Variants in MYH6 observed in about 807,000 individuals in gnomAD.
MYH6 encodes the protein myosin-6.
In MYH6, 126 loss-of-function variants were observed where a neutral mutation model predicts 223.2. The observed-to-expected ratio is 0.56, with a 90% confidence interval of 0.49 to 0.65. MYH6 has a LOEUF of 0.65. Among genes scored for constraint, MYH6 ranks in the 30% least tolerant of loss-of-function variants. The probability of loss-of-function intolerance (pLI) is 0.00; values close to 1 mark genes in which losing one functional copy is unlikely to be tolerated. For missense variants in MYH6, 2,040 were observed against 2,536.4 expected, an observed-to-expected ratio of 0.80 and a Z score of 4.20; for synonymous variants, 978 against 1,010.2, an observed-to-expected ratio of 0.97 and a Z score of 0.61.
intron 25 of MYH6, among the ~76,000 whole-genome samples, chr14:23,392,260 AGAG>A (rs576496787): frequency 1.2e-4 from 18 of 151,838 alleles, no homozygotes; most frequent in African/African-American, 4.3e-4. Flanking sequence ...AGGAAGGGTT[AGAG>A]GAGAATAGAG....
rs377488406 is a variant in MYH6, at chr14:23,388,582, G to C, written c.4176-244C>G. On this transcript the variant is annotated intron_variant, in intron 29 of 38. Coordinates refer to ENST00000405093, the MANE Select transcript of MYH6 (RefSeq NM_002471.4). Reference sequence around the variant, plus strand: ...CCCTCACCCCCCACACAGGCTGATCGACGGTAGCTCCTCTGACCAACAAGC... The same window carrying C: ...CCCTCACCCCCCACACAGGCTGATCCACGGTAGCTCCTCTGACCAACAAGC... The C allele has an allele frequency of 1.2e-5, 10 of 852,800 alleles. No individual in the cohort carries two copies. The East Asian group carries it at 2.4e-4, about 21-fold the overall frequency. The allele number at this position is 852,800 out of a possible 1,614,324, so 52.8% of individuals were successfully genotyped here. A position where few individuals can be genotyped will look rare whatever the true frequency, so the allele number is the denominator to read the frequency against.
intron 20 of MYH6, 126 bp from the exon 21 acceptor site, chr14:23,394,449 A>G (rs1566510524): frequency 8.1e-7 from 1 of 1,228,356 alleles, no homozygotes; most frequent in Non-Finnish European, 1.1e-6. Flanking sequence ...CAACATCACT[A>G]CACTGAACAT....
intron 7 of MYH6, 71 bp from the exon 8 acceptor site, chr14:23,404,459 G>GCCTCC: frequency 6.4e-7 from 1 of 1,551,522 alleles, no homozygotes; most frequent in Non-Finnish European, 8.9e-7. Context: ...GGGCAGGGAG[G>GCCTCC]CTGCCCTGGC....
intron 29 of MYH6, 121 bp downstream of exon 29, chr14:23,388,738 G>T: frequency 7.0e-7 from 1 of 1,423,096 alleles, no homozygotes; most frequent in Non-Finnish European, 9.9e-7. Flanking sequence ...CACTTCTGTT[G>T]CCCTCCGAGT....
chr14:23,389,119 C>T (rs1891144366), intron 28 of MYH6, 64 bp from the exon 29 acceptor site: 3 of 1,515,374 alleles, frequency 2.0e-6, no homozygotes, highest in South Asian at 1.3e-5. Flanking sequence ...TCTAGATTCT[C>T]TTCTTATGTA....
intron 28 of MYH6, 56 bp from the exon 29 acceptor site, chr14:23,389,111 T>C: frequency 6.5e-7 from 1 of 1,531,108 alleles, no homozygotes; most frequent in Non-Finnish European, 8.8e-7. Flanking sequence ...CCCCATTCTC[T>C]AGATTCTCTT....
intron 36 of MYH6, 39 bp downstream of exon 36, chr14:23,384,403 A>T (rs1214440683): frequency 6.2e-7 from 1 of 1,605,040 alleles, no homozygotes; most frequent in Non-Finnish European, 8.5e-7. Flanking sequence ...CAGAGAAGAA[A>T]CTTCCACATC....
In MYH6 at chr14:23,405,363, A is replaced by G; in HGVS notation, c.362T>C (p.Phe121Ser). ...AWMIYTYSGL[F>S]CVTVNPYKWL... is the part of the protein sequence containing the mutation. ...CTTGTAGGGGTTGACAGTGACACAG[A>G]AGAGGCCCGAGTAGGTCTGGAGCAG... Residue 121 changes from phenylalanine (F) to serine (S), a missense_variant, in exon 5 of 39, where the codon TTC becomes TCC. Transcript: ENST00000405093. This position sits in a 1 kb window ranked among gnomAD's most constrained non-coding sequence, Gnocchi z 4.7. 6.2e-7 allele frequency: 1 copy of G among 1,614,130 alleles called. No individual in the cohort carries two copies. Among genetic ancestry groups the G allele is most frequent in the Non-Finnish European group, 8.5e-7 (1 of 1,179,980 alleles).
At position 23,403,792 on chromosome 14, in the gene MYH6, G is replaced by A; in HGVS notation, c.736-14C>T. On this transcript the variant is annotated splice_polypyrimidine_tract_variant and intron_variant, in intron 8 of 38. Coordinates refer to ENST00000405093, the MANE Select transcript of MYH6 (RefSeq NM_002471.4). ...AATGAATTTCCCCTGGGGACGAATG[G>A]GACAGAGTGAGGGAACTGGCGGGAA... 1.2e-6 allele frequency: 2 copies of A among 1,606,014 alleles called. No homozygotes were observed. The highest frequency in any genetic ancestry group is 1.3e-5 in the African/African-American group (1 of 74,828).
chr14:23,385,434 T>C (rs1890992303), intron 34 of MYH6, among the ~76,000 whole-genome samples: 1 of 149,398 alleles, frequency 6.7e-6, no homozygotes, highest in South Asian at 2.2e-4. Context: ...ATGAGGTAAG[T>C]GGATGATGTC....
Position 23,397,910 on chromosome 14 carries a change from T to TCTCCTCCTCCTCCTCCTC in MYH6, c.1892-315_1892-298dup, listed in dbSNP as rs1247030438. 3.5e-4 allele frequency among the ~76,000 whole-genome samples: 39 copies of TCTCCTCCTCCTCCTCCTC among 112,946 alleles called. 3 individuals carry two copies. Among genetic ancestry groups the TCTCCTCCTCCTCCTCCTC allele is most frequent in the African/African-American group, 8.8e-4 (23 of 26,252 alleles). The allele number at this position is 112,946 out of a possible 152,430, so 74.1% of individuals were successfully genotyped here. ...TTCTTATATCTTTCCACATTCTAGT[T>TCTCCTCCTCCTCCTCCTC]CTCCTCCTCCTCCTCCTCCTCCTCT... On this transcript the variant is annotated intron_variant, in intron 15 of 38. Transcript: ENST00000405093.
Position 23,404,182 on chromosome 14 carries a change from CAT to C in MYH6, c.735+112_735+113del, listed in dbSNP as rs1595063734. ...TATGCTCTCTTCCCACCAACGTGTG[CAT>C]GTTGATATCCCAAAGCCAGATACAG... On this transcript the variant is annotated intron_variant, in intron 8 of 38. Transcript: ENST00000405093. The C allele has an allele frequency of 1.7e-5, 22 of 1,259,934 alleles. No individual in the cohort carries two copies. In the East Asian group the frequency reaches 5.1e-4, roughly 29 times the overall value. 78.0% of individuals were successfully genotyped at this position (1,259,934 alleles called of 1,614,324 possible).
chr14:23,388,376 A>G, intron 29 of MYH6, 38 bp from the exon 30 acceptor site: 1 of 1,609,264 alleles, frequency 6.2e-7, no homozygotes, highest in Non-Finnish European at 8.5e-7. Flanking sequence ...GTGTGACTCT[A>G]CTGGGCAACA....
chr14:23,404,892 GCT>G, intron 6 of MYH6, 70 bp from the exon 7 acceptor site: 1 of 1,530,318 alleles, frequency 6.5e-7, no homozygotes, highest in South Asian at 1.1e-5. Flanking sequence ...AGCATCACAT[GCT>G]CCCCTTCCCA....
intron 15 of MYH6, among the ~76,000 whole-genome samples, chr14:23,397,849 A>C (rs550877311): frequency 1.3e-5 from 2 of 152,102 alleles, no homozygotes; most frequent in South Asian, 2.1e-4. Flanking sequence ...ACTGACATAC[A>C]TCAGTGCCCT....
intron 32 of MYH6, 120 bp downstream of exon 32, chr14:23,387,409 T>C (rs1891062806): frequency 1.3e-6 from 2 of 1,514,112 alleles, no homozygotes; most frequent in African/African-American, 2.7e-5. Flanking sequence ...GTAGATAATG[T>C]TGAACAAAGA....
In MYH6 at chr14:23,388,150, T is replaced by C. The variant is rs193283041; in HGVS notation, c.4359+5A>G. ...TGCTGGCTGCGGCCCCCGCCCATGG[T>C]CCACCTTGTCAAAGTTTCTCTGCTT... On this transcript the variant is annotated splice_donor_5th_base_variant and intron_variant, in intron 30 of 38. Transcript: ENST00000405093. 459 of 1,612,216 alleles carry C rather than the reference T, an allele frequency of 2.8e-4. 2 individuals carry two copies. The East Asian group carries it at 9.2e-3, about 32-fold the overall frequency.
rs1891195302 is a variant in MYH6 at position 23,390,270 on chromosome 14, G to A, written c.3519C>T (p.Phe1173=). 6.3e-7 allele frequency: 1 copy of A among 1,591,956 alleles called. No homozygotes were observed. Among genetic ancestry groups the A allele is most frequent in the African/African-American group, 1.3e-5 (1 of 74,110 alleles). ...IEMNKKREAE[F]QKMRRDLEEA... Reference sequence around the variant, plus strand: ...CCTCCAGGTCCCGCCGCATCTTCTGGAACTCGGCCTCGCGCTTCTTGTTCA... The same window carrying A: ...CCTCCAGGTCCCGCCGCATCTTCTGAAACTCGGCCTCGCGCTTCTTGTTCA... Residue 1173 remains phenylalanine, a synonymous_variant, in exon 26 of 39, where the codon TTC becomes TTT. Transcript: ENST00000405093.
At position 23,387,894 on chromosome 14, in the gene MYH6, C is replaced by T. The variant is rs368065780; in HGVS notation, c.4389G>A (p.Glu1463=). The change falls in exon 31 of 39, where the codon GAG becomes GAA. Residue 1463 remains glutamate, a synonymous_variant. Transcript: ENST00000405093. Reference sequence around the variant, plus strand: ...AGGACTCCAGCTCAGACTGCGACTCCTCATACTTCTGCTTCCACTCGGCCA... The same window carrying T: ...AGGACTCCAGCTCAGACTGCGACTCTTCATACTTCTGCTTCCACTCGGCCA... The part of the protein sequence containing the change: ...KILAEWKQKY[E]ESQSELESSQ... 7 of 1,613,904 alleles carry T rather than the reference C, an allele frequency of 4.3e-6. No homozygotes were observed. The highest frequency in any genetic ancestry group is 4.0e-5 in the African/African-American group (3 of 74,904).
Sources: allele counts gnomAD v4.1 joint callset (sites outside exome capture counted in the v4.1 genomes callset), GRCh38; gene constraint gnomAD v4.1.1; non-coding constraint Gnocchi (gnomAD v3.1); transcripts MANE v1.5; gene names NCBI Gene and HGNC (gene_info 2026-07-23, HGNC 2026-07-21).